The following MAGI2 variants were observed in gnomAD, a reference collection of about 807,000 sequenced individuals.
The protein encoded by MAGI2 is membrane-associated guanylate kinase, WW and PDZ domain-containing protein 2.
MAGI2 carries 35 observed loss-of-function variants against 133.3 expected under a neutral mutation model. That is an observed-to-expected ratio of 0.26 (90% CI 0.20 to 0.35). The LOEUF is 0.35. Among genes scored for constraint, MAGI2 ranks in the 10% least tolerant of loss-of-function variants. MAGI2 has a pLI of 1.00. For missense variants in MAGI2, 1,636 were observed against 1,863.4 expected, an observed-to-expected ratio of 0.88 and a Z score of 2.25; for synonymous variants, 729 against 710.6, an observed-to-expected ratio of 1.03 and a Z score of -0.41.
intron 2 of MAGI2, among the ~76,000 whole-genome samples, chr7:78,930,960 C>A (rs185053640): frequency 6.6e-6 from 1 of 152,018 alleles, no homozygotes; most frequent in Non-Finnish European, 1.5e-5. Flanking sequence ...CACTGCGAAA[C>A]GAATTTCTAT....
At chr7:78,645,639 TG>T (rs961037586) in intron 2 of MAGI2, among the ~76,000 whole-genome samples, 1 of 90,272 alleles carries the variant, frequency 1.1e-5, no homozygotes, top group Admixed American at 1.3e-4. Flanking sequence ...GATATAAGTG[TG>T]GTGTGTGTGT....
chr7:79,242,742 T>C (rs16886476), intron 1 of MAGI2, among the ~76,000 whole-genome samples: 5,888 of 152,280 alleles, frequency 0.039, 183 homozygotes, highest in African/African-American at 0.079. Flanking sequence ...CATTGGCCAA[T>C]AAGAGGATGT....
chr7:79,252,129 C>A (rs532194630), intron 1 of MAGI2, among the ~76,000 whole-genome samples: 2 of 137,290 alleles, frequency 1.5e-5, no homozygotes, highest in South Asian at 2.3e-4. Context: ...TGCACTCCAG[C>A]CTGTGGGTCA....
At chr7:78,559,852 T>A (rs929565149) in intron 3 of MAGI2, among the ~76,000 whole-genome samples, 1 of 152,198 alleles carries the variant, frequency 6.6e-6, no homozygotes, top group African/African-American at 2.4e-5. Context: ...TGTATGTGTG[T>A]GTGTACACAT....
intron 1 of MAGI2, among the ~76,000 whole-genome samples, chr7:79,023,298 T>A (rs545054089): frequency 6.6e-6 from 1 of 152,152 alleles, no homozygotes; most frequent in East Asian, 1.9e-4. Context: ...ATTCATTTAA[T>A]AACCCTCTAC....
chr7:78,760,549 G>A (rs1165777691), intron 2 of MAGI2, among the ~76,000 whole-genome samples: 1 of 151,952 alleles, frequency 6.6e-6, no homozygotes, highest in African/African-American at 2.4e-5. Context: ...TTTTAGTAGA[G>A]ATGGGGTTCC....
At chr7:79,351,249 A>T (rs1841670689) in intron 1 of MAGI2, among the ~76,000 whole-genome samples, 2 of 152,188 alleles carry the variant, frequency 1.3e-5, no homozygotes, top group Non-Finnish European at 2.9e-5. Context: ...TAAATTAAGT[A>T]GGATTTATAG....
chr7:78,207,658 A>G (rs1787234260), intron 10 of MAGI2, among the ~76,000 whole-genome samples: 1 of 152,126 alleles, frequency 6.6e-6, no homozygotes, highest in African/African-American at 2.4e-5. Flanking sequence ...CTTTGAGATA[A>G]TTTGTTTAAG....
At chr7:78,778,112 T>A (rs1826125129) in intron 2 of MAGI2, among the ~76,000 whole-genome samples, 1 of 152,232 alleles carries the variant, frequency 6.6e-6, no homozygotes, top group African/African-American at 2.4e-5. Flanking sequence ...TGAATTGTGA[T>A]CTTTTATTTT....
intron 1 of MAGI2, among the ~76,000 whole-genome samples, chr7:79,181,854 T>A (rs981430154): frequency 2.8e-4 from 42 of 152,022 alleles, no homozygotes; most frequent in African/African-American, 9.9e-4. Flanking sequence ...ATCATCTCTC[T>A]CAAGTTTGAT....
chr7:78,257,832 CA>C (rs1189721366), intron 9 of MAGI2, among the ~76,000 whole-genome samples: 5 of 152,084 alleles, frequency 3.3e-5, no homozygotes, highest in Non-Finnish European at 7.4e-5. Flanking sequence ...AGCAACTCAA[CA>C]GACATCAGTT....
intron 1 of MAGI2, among the ~76,000 whole-genome samples, chr7:79,422,344 T>G (rs373143880): frequency 4.6e-5 from 7 of 152,146 alleles, no homozygotes; most frequent in Admixed American, 2.0e-4. Context: ...CTAATCCAAA[T>G]GCAAATCATG....
intron 1 of MAGI2, among the ~76,000 whole-genome samples, chr7:79,100,604 T>C (rs1368477827): frequency 1.3e-5 from 2 of 151,622 alleles, no homozygotes; most frequent in African/African-American, 4.8e-5. Flanking sequence ...GTATCAATAA[T>C]ATGCTAGAAT....
intron 21 of MAGI2, among the ~76,000 whole-genome samples, chr7:78,032,009 CT>C (rs377672697): frequency 0.46 from 56,837 of 123,880 alleles, 13,756 homozygotes; most frequent in Non-Finnish European, 0.57. Flanking sequence ...AGCCCCCCCA[CT>C]TTTTTTTTTT....
intron 2 of MAGI2, among the ~76,000 whole-genome samples, chr7:78,784,057 C>G (rs1826611238): frequency 6.6e-6 from 1 of 152,118 alleles, no homozygotes; most frequent in Non-Finnish European, 1.5e-5. Context: ...CATAGTGTAT[C>G]AGGGAGCTTT....
intron 9 of MAGI2, among the ~76,000 whole-genome samples, chr7:78,298,031 A>T (rs1350254393): frequency 6.6e-6 from 1 of 152,074 alleles, no homozygotes; most frequent in Non-Finnish European, 1.5e-5. Context: ...TAACATTAAC[A>T]AGCAATGTCA....
chr7:78,368,607 G>T (rs1049277884), intron 7 of MAGI2, among the ~76,000 whole-genome samples: 7 of 151,826 alleles, frequency 4.6e-5, no homozygotes, highest in Non-Finnish European at 1.0e-4. Context: ...TATTTGTTCC[G>T]AATAAAAGGA....
chr7:78,089,600 A>G (rs1000734911), intron 20 of MAGI2, among the ~76,000 whole-genome samples: 1 of 152,206 alleles, frequency 6.6e-6, no homozygotes, highest in East Asian at 1.9e-4. Flanking sequence ...TCGCCTCTAT[A>G]CCATTATAGA....
intron 1 of MAGI2, among the ~76,000 whole-genome samples, chr7:79,208,075 A>G (rs1829209115): frequency 6.6e-6 from 1 of 152,028 alleles, no homozygotes; most frequent in Admixed American, 6.6e-5. Flanking sequence ...ACCCAAAACT[A>G]TGAAACTACT....
Sources: gnomAD v4.1 joint callset for allele counts (sites outside exome capture counted in the v4.1 genomes callset) on GRCh38, gnomAD v4.1.1 for gene constraint, MANE v1.5 for transcripts, NCBI Gene and HGNC (gene_info 2026-07-23, HGNC 2026-07-21) for gene names.